ELP2: variants seen among roughly 807,000 people sequenced by gnomAD.
ELP2 encodes the protein elongator complex protein 2.
Under a neutral mutation model 119.2 loss-of-function variants are expected in ELP2, and 90 were observed. The ratio of observed to expected loss-of-function variants is 0.75; its 90% CI spans 0.64 to 0.90. The LOEUF (loss-of-function observed/expected upper bound fraction) is 0.90, where lower values mean the gene tolerates loss of function less well. Among genes scored for constraint, ELP2 ranks in the 40% least tolerant of loss-of-function variants. ELP2 has a pLI of 0.00. For synonymous variants in ELP2, 339 were observed against 331.0 expected, an observed-to-expected ratio of 1.02 and a Z score of -0.26; for missense variants, 921 against 967.8, an observed-to-expected ratio of 0.95 and a Z score of 0.64.
Position 36,156,610 on chromosome 18 carries a change from T to G in ELP2, c.1420T>G (p.Phe474Val). 6.2e-7 allele frequency: 1 copy of G among 1,614,112 alleles called. No individual in the cohort carries two copies. The highest frequency in any genetic ancestry group is 2.2e-5 in the East Asian group (1 of 44,860). ...TGCACCTCGGAATTTTGTGGAAAAT[T>G]TTTGTGCCATTACAGGACAATCACT... is the stretch of plus-strand genomic sequence containing the variant. ...FSAPRNFVENFCAITGQSLNH... is the reference protein window; with the variant it reads ...FSAPRNFVENVCAITGQSLNH... Residue 474 changes from phenylalanine to valine, a missense_variant, in exon 13 of 22, where the codon TTT (phenylalanine) becomes GTT (valine). Coordinates refer to ENST00000358232, the MANE Select transcript of ELP2 (RefSeq NM_018255.4).
intron 19 of ELP2, among the ~76,000 whole-genome samples, chr18:36,168,913 CTTTTTTTTT>C (rs61459855): frequency 2.9e-5 from 2 of 69,278 alleles, no homozygotes; most frequent in African/African-American, 1.2e-4. Context: ...CTCTCCATTT[CTTTTTTTTT>C]TTTTTTTTTT....
In ELP2 at chr18:36,171,054, G is replaced by A. The variant is rs753583398; in HGVS notation, c.2218G>A (p.Val740Ile). The A allele has an allele frequency of 2.5e-6, 4 of 1,610,572 alleles. No homozygotes were observed. The highest frequency in any genetic ancestry group is 3.3e-5 in the Admixed American group (2 of 60,030). The change falls in exon 21 of 22, where the codon GTT becomes ATT. Residue 740 changes from valine (V) to isoleucine (I), a missense_variant. Coordinates refer to ENST00000358232, the MANE Select transcript of ELP2 (RefSeq NM_018255.4). ...PVLHPSQRYV[V>I]AVGLECGKIC... is the part of the protein sequence containing the mutation. ...CCCCTCCCTTAAAAACAGATACGTGGTTGCAGTAGGATTGGAGTGTGGAAA... is the reference window on the plus strand; with the variant it reads ...CCCCTCCCTTAAAAACAGATACGTGATTGCAGTAGGATTGGAGTGTGGAAA...
chr18:36,139,129 C>G (rs1389252579), intron 5 of ELP2, among the ~76,000 whole-genome samples: 2 of 152,030 alleles, frequency 1.3e-5, no homozygotes, highest in Non-Finnish European at 2.9e-5. Flanking sequence ...ATACTGTTAT[C>G]AAATATACTG....
At chr18:36,140,091 G>A (rs1024895563) in intron 5 of ELP2, among the ~76,000 whole-genome samples, 1 of 151,906 alleles carries the variant, frequency 6.6e-6, no homozygotes, top group Non-Finnish European at 1.5e-5. Context: ...TGGTTCTCCT[G>A]TCTCGGCCTC....
rs761004859 is a variant in ELP2, at chr18:36,129,983, G to A, written c.50G>A (p.Arg17Gln). 2 of 1,614,196 alleles carry A rather than the reference G, an allele frequency of 1.2e-6. No homozygotes were observed. Among genetic ancestry groups the A allele is most frequent in the South Asian group, 1.1e-5 (1 of 91,084 alleles). The change falls in exon 1 of 22, where the codon CGG becomes CAG. Residue 17 changes from arginine (R) to glutamine (Q), a missense_variant. By Grantham distance (43) the Arg-to-Gln change is conservative (BLOSUM62 1). Coordinates refer to ENST00000358232, the MANE Select transcript of ELP2 (RefSeq NM_018255.4). ...TCTCACGTGTTTTGCTGCCCAAACC[G>A]GGTGCGGGGAGTCCTGAACTGGAGC... ...ETSHVFCCPNRVRGVLNWSSG... is the reference protein window; with the variant it reads ...ETSHVFCCPNQVRGVLNWSSG...
Position 36,142,284 on chromosome 18 carries a change from C to T in ELP2, c.592C>T (p.Gln198Ter), listed in dbSNP as rs754828916. Residue 198 changes from glutamine to a stop codon, truncating the protein, a stop_gained, in exon 7 of 22, where the codon CAG becomes TAG. Coordinates refer to ENST00000358232, the MANE Select transcript of ELP2 (RefSeq NM_018255.4). LOFTEE classifies it high-confidence loss of function. ...CCAATGATTTTTATCTTACTAGTTT[C>T]AGAAAGTGCTTTCTCTCTGTGGACA... ...HIFAQQNDQF[Q>*]KVLSLCGHED... 6.2e-7 allele frequency: 1 copy of T among 1,613,492 alleles called. No individual in the cohort carries two copies. The highest frequency in any genetic ancestry group is 8.5e-7 in the Non-Finnish European group (1 of 1,179,552).
chr18:36,153,251 T>C (rs1235036308), intron 11 of ELP2, among the ~76,000 whole-genome samples: 1 of 152,200 alleles, frequency 6.6e-6, no homozygotes, highest in Non-Finnish European at 1.5e-5. Context: ...TAAATTCCAC[T>C]GGTAACTTTA....
chr18:36,167,466 A>T (rs563026320), intron 19 of ELP2, among the ~76,000 whole-genome samples: 23 of 152,302 alleles, frequency 1.5e-4, no homozygotes, highest in African/African-American at 5.5e-4. Context: ...ACCTTCATCA[A>T]ATGGTCCCAG....
rs145806147 is a variant in ELP2, at chr18:36,139,409, G to A, written c.523+537G>A. 3,270 of 1,534,810 alleles carry A rather than the reference G, an allele frequency of 2.1e-3. 5 individuals carry two copies. Among genetic ancestry groups the A allele is most frequent in the Middle Eastern group, 2.7e-3 (15 of 5,604 alleles). On this transcript the variant is annotated intron_variant, in intron 5 of 21. Transcript: ENST00000358232. ...CCAGTGTGAGTGAGTCAGCCTCTTT[G>A]CCTCCACAGTTACCTGGAAGACTGG...
intron 13 of ELP2, among the ~76,000 whole-genome samples, chr18:36,158,039 G>A (rs1447463692): frequency 1.3e-5 from 2 of 152,176 alleles, no homozygotes; most frequent in Admixed American, 6.6e-5. Flanking sequence ...TAAGTGTTGG[G>A]ATAGGTATGT....
At position 36,174,686 on chromosome 18, in the gene ELP2, A is replaced by G; in HGVS notation, c.*45A>G. The G allele has an allele frequency of 6.3e-7, 1 of 1,585,662 alleles. No individual in the cohort carries two copies. The highest frequency in any genetic ancestry group is 8.7e-7 in the Non-Finnish European group (1 of 1,155,668). ...CTTGCAGTCACTGGTATCTTAAAAT[A>G]TTATCATGTAAACAGGTCATCTTTA... On this transcript the variant is annotated 3_prime_UTR_variant, in exon 22 of 22. Coordinates refer to ENST00000358232, the MANE Select transcript of ELP2 (RefSeq NM_018255.4).
intron 17 of ELP2, 63 bp downstream of exon 17, chr18:36,161,067 A>G: frequency 8.2e-7 from 1 of 1,212,462 alleles, no homozygotes; most frequent in South Asian, 1.2e-5. Context: ...GGCTCCTGCA[A>G]GTTTGGTAAT....
chr18:36,166,155 G>A (rs899539174), intron 18 of ELP2, among the ~76,000 whole-genome samples: 2 of 151,036 alleles, frequency 1.3e-5, no homozygotes, highest in African/African-American at 4.9e-5. Flanking sequence ...ATCCCACCAC[G>A]GCACTCCAGC....
At chr18:36,142,454 G>T in intron 7 of ELP2, 107 bp downstream of exon 7, 1 of 938,940 alleles carries the variant, frequency 1.1e-6, no homozygotes, top group South Asian at 1.3e-5. Context: ...TGTATGTTAT[G>T]TTTTTCTATT....
At position 36,175,578 on chromosome 18, in the gene ELP2, T is replaced by C. The variant is rs1232637994; in HGVS notation, c.*937T>C. The stretch of plus-strand genomic sequence containing the variant: ...AATAGAGTTCTGAAACATTTGAATT[T>C]ATGTGACAGCTGAAGTCACGAGATG... On this transcript the variant is annotated 3_prime_UTR_variant, in exon 22 of 22. Coordinates refer to ENST00000358232, the MANE Select transcript of ELP2 (RefSeq NM_018255.4). The C allele has an allele frequency of 3.3e-5, 5 of 152,246 alleles. 1 individual carries two copies. Among genetic ancestry groups the C allele is most frequent in the Non-Finnish European group, 7.3e-5 (5 of 68,044 alleles). 9.4% of individuals were successfully genotyped at this position (152,246 alleles called of 1,614,324 possible).
intron 18 of ELP2, 136 bp downstream of exon 18, chr18:36,164,803 T>G (rs681757): frequency 0.35 from 291,089 of 826,722 alleles, 52,897 homozygotes; most frequent in Admixed American, 0.39. Flanking sequence ...TTCAAAGTTC[T>G]TGGATAACTG....
At chr18:36,154,782 C>T (rs1052855107) in intron 11 of ELP2, 68 bp from the exon 12 acceptor site, 7 of 1,574,644 alleles carry the variant, frequency 4.4e-6, no homozygotes, top group Admixed American at 1.7e-5. Context: ...TGTTATCAGA[C>T]GTGAGTGCTT....
chr18:36,175,274 T>G lies in ELP2; in HGVS notation c.*633T>G, dbSNP rs1314716751. On this transcript the variant is annotated 3_prime_UTR_variant, in exon 22 of 22. Coordinates refer to ENST00000358232, the MANE Select transcript of ELP2 (RefSeq NM_018255.4). ...TGGGACATTTCCTTATTTATTGCCC[T>G]CTTCAGAGAGTAGATGTAGAAAATA... 6.6e-6 allele frequency: 1 copy of G among 152,288 alleles called. No individual in the cohort carries two copies. Among genetic ancestry groups the G allele is most frequent in the Non-Finnish European group, 1.5e-5 (1 of 68,162 alleles). 9.4% of individuals were successfully genotyped at this position (152,288 alleles called of 1,614,324 possible). A position where few individuals can be genotyped will look rare whatever the true frequency, so the allele number is the denominator to read the frequency against.
intron 5 of ELP2, chr18:36,139,595 C>G: frequency 6.5e-7 from 1 of 1,534,200 alleles, no homozygotes; most frequent in Non-Finnish European, 8.7e-7. Flanking sequence ...TTCATTTCTT[C>G]CATCTGCATT....
Sources: gnomAD v4.1 joint callset for allele counts (sites outside exome capture counted in the v4.1 genomes callset) on GRCh38, gnomAD v4.1.1 for gene constraint, MANE v1.5 for transcripts, NCBI Gene and HGNC (gene_info 2026-07-23, HGNC 2026-07-21) for gene names.